Variants in HELZ observed in about 807,000 individuals in gnomAD.
HELZ encodes the protein helicase with zinc finger.
A neutral mutation model predicts 218.2 loss-of-function variants in HELZ; 23 were observed. The observed-to-expected ratio is 0.11, with a 90% confidence interval of 0.08 to 0.15. The LOEUF (loss-of-function observed/expected upper bound fraction) is 0.15, where lower values mean the gene tolerates loss of function less well. Among genes scored for constraint, HELZ ranks in the 10% least tolerant of loss-of-function variants. The probability of loss-of-function intolerance (pLI) is 1.00; values close to 1 mark genes in which losing one functional copy is unlikely to be tolerated. For missense variants in HELZ, 1,813 were observed against 2,353.7 expected (o/e 0.77, Z 4.75); for synonymous variants, 814 against 829.4 (o/e 0.98, Z 0.32).
chr17:67,190,114 T>G (rs763839626), intron 10 of HELZ, 43 bp downstream of exon 10: 1 of 1,524,458 alleles, frequency 6.6e-7, no homozygotes, highest in African/African-American at 1.4e-5. Context: ...CTCAAGTTCA[T>G]TGTTTAAGAC....
intron 21 of HELZ, among the ~76,000 whole-genome samples, chr17:67,142,200 C>T (rs2038348935): frequency 6.6e-6 from 1 of 151,940 alleles, no homozygotes; most frequent in Non-Finnish European, 1.5e-5. Flanking sequence ...ATATCAGTAA[C>T]ATTAAATGTG....
intron 5 of HELZ, among the ~76,000 whole-genome samples, chr17:67,213,831 T>C (rs1463225185): frequency 2.0e-5 from 3 of 152,152 alleles, no homozygotes; most frequent in South Asian, 2.1e-4. Context: ...ATCCACGCCA[T>C]GGAAAATTAA....
At position 67,078,140 on chromosome 17, in the gene HELZ, T is replaced by C; in HGVS notation, c.*112A>G. The C allele has an allele frequency of 1.4e-6, 1 of 701,596 alleles. No individual in the cohort carries two copies. Among genetic ancestry groups the C allele is most frequent in the Non-Finnish European group, 2.4e-6 (1 of 421,320 alleles). The allele number at this position is 701,596 out of a possible 1,614,324, so 43.5% of individuals were successfully genotyped here. ...AGCAAAGCAATTAAGTGAGAACATA[T>C]TTAATATTAAAACAAAGGGAACTGT... is the stretch of plus-strand genomic sequence containing the variant. On this transcript the variant is annotated 3_prime_UTR_variant, in exon 33 of 33. Transcript: ENST00000358691.
chr17:67,182,015 G>A (rs2039626042), intron 12 of HELZ, among the ~76,000 whole-genome samples: 2 of 152,150 alleles, frequency 1.3e-5, no homozygotes, highest in African/African-American at 4.8e-5. Flanking sequence ...GACTCCTACT[G>A]GGGCTCTTTG....
chr17:67,187,891 T>C (rs1598392854), intron 12 of HELZ, among the ~76,000 whole-genome samples: 1 of 152,206 alleles, frequency 6.6e-6, no homozygotes, highest in Non-Finnish European at 1.5e-5. Flanking sequence ...TCAAGACTTT[T>C]CATTCAGAAA....
intron 15 of HELZ, among the ~76,000 whole-genome samples, chr17:67,163,430 G>A (rs900745748): frequency 1.9e-4 from 28 of 151,342 alleles, no homozygotes; most frequent in African/African-American, 6.8e-4. Context: ...ACAGAGTCTC[G>A]CTCTGTCGCC....
At chr17:67,228,252 T>C (rs2040944117) in intron 3 of HELZ, among the ~76,000 whole-genome samples, 1 of 152,204 alleles carries the variant, frequency 6.6e-6, no homozygotes, top group Non-Finnish European at 1.5e-5. Flanking sequence ...ACAAATATAA[T>C]AAAATGCACG....
In HELZ at chr17:67,117,098, G is replaced by T. The variant is rs186758673; in HGVS notation, c.3839-2695C>A. 5.0e-3 allele frequency among the ~76,000 whole-genome samples: 760 copies of T among 151,970 alleles called. 7 individuals carry two copies. Among genetic ancestry groups the T allele is most frequent in the African/African-American group, 0.017 (722 of 41,458 alleles). ...TCAAACTCCTGACCTCAGGTGATCC[G>T]CTCACCTCAGCCTCCCAAAGGGCTG... On this transcript the variant is annotated intron_variant, in intron 27 of 32. Coordinates refer to ENST00000358691, the MANE Select transcript of HELZ (RefSeq NM_014877.4).
intron 5 of HELZ, among the ~76,000 whole-genome samples, chr17:67,213,441 G>C (rs1275101819): frequency 6.6e-6 from 1 of 152,090 alleles, no homozygotes; most frequent in Non-Finnish European, 1.5e-5. Flanking sequence ...GGCCAACATG[G>C]TGAAACCCTG....
chr17:67,133,374 G>C (rs551947159), intron 23 of HELZ, among the ~76,000 whole-genome samples: 4 of 152,150 alleles, frequency 2.6e-5, no homozygotes, highest in African/African-American at 9.6e-5. Flanking sequence ...TCAAGACAAT[G>C]GATGAAAAAT....
At chr17:67,229,234 C>A (rs1296763394) in intron 3 of HELZ, among the ~76,000 whole-genome samples, 1 of 152,222 alleles carries the variant, frequency 6.6e-6, no homozygotes, top group African/African-American at 2.4e-5. Context: ...CACCACCAAT[C>A]TGGCTACAAC....
upstream of HELZ, chr17:67,245,789 A>C (rs2041466941): frequency 6.6e-6 from 1 of 152,040 alleles, no homozygotes; most frequent in African/African-American, 2.4e-5. Context: ...TTAAAAAAAA[A>C]AATTGAGCCA....
rs776348135 is a variant in HELZ at position 67,152,685 on chromosome 17, A to C, written c.2178-1461T>G. ...ATACATAAGTTTGGAGTTCAGGAGA[A>C]TGCCTGGGGCAAGATAGCTACAATT... On this transcript the variant is annotated intron_variant, in intron 17 of 32. Transcript: ENST00000358691. Among the ~76,000 whole-genome samples the C allele has an allele frequency of 1.1e-4, 17 of 150,432 alleles. 1 individual carries two copies. Among genetic ancestry groups the C allele is most frequent in the Non-Finnish European group, 7.4e-5 (5 of 67,690 alleles).
intron 7 of HELZ, 139 bp downstream of exon 7, chr17:67,200,990 G>A (rs1334536610): frequency 1.4e-6 from 1 of 723,056 alleles, no homozygotes; most frequent in Non-Finnish European, 2.6e-6. Context: ...TACGAGGGAA[G>A]GCTGGCAGTC....
At chr17:67,096,760 T>C (rs886432415) in intron 31 of HELZ, among the ~76,000 whole-genome samples, 1 of 152,252 alleles carries the variant, frequency 6.6e-6, no homozygotes, top group Non-Finnish European at 1.5e-5. Flanking sequence ...TTTGATCTTC[T>C]AACCAGATCA....
intron 15 of HELZ, among the ~76,000 whole-genome samples, chr17:67,165,793 C>T (rs185395721): frequency 8.5e-4 from 130 of 152,258 alleles, no homozygotes; most frequent in African/African-American, 2.9e-3. Flanking sequence ...TTTCTTCTAT[C>T]GTACTTCATC....
Position 67,109,553 on chromosome 17 carries a change from G to T in HELZ, c.4052C>A (p.Ala1351Glu). The T allele has an allele frequency of 6.2e-7, 1 of 1,614,192 alleles. No homozygotes were observed. Among genetic ancestry groups the T allele is most frequent in the South Asian group, 1.1e-5 (1 of 91,082 alleles). ...GTGGCGATTAGGGATTGCATACTGTGCGTGGGGAGCAGGAAGGGGAAGATT... is the reference window on the plus strand; with the variant it reads ...GTGGCGATTAGGGATTGCATACTGTTCGTGGGGAGCAGGAAGGGGAAGATT... ...HINLPLPAPH[A>E]QYAIPNRHFH... Residue 1351 changes from alanine to glutamate, a missense_variant, in exon 29 of 33, where the codon GCA becomes GAA. Physicochemically the swap from Ala to Glu is moderately radical, Grantham distance 107. Coordinates refer to ENST00000358691, the MANE Select transcript of HELZ (RefSeq NM_014877.4).
chr17:67,089,668 T>TAGAGAG (rs1555595394), intron 31 of HELZ, among the ~76,000 whole-genome samples: 31 of 70,644 alleles, frequency 4.4e-4, no homozygotes, highest in African/African-American at 1.2e-3. Flanking sequence ...TATATATATA[T>TAGAGAG]AGAGAGAGAG....
chr17:67,132,218 C>CTGTGTGTGTGTGTGTGTGTGTG (rs57691319), intron 23 of HELZ, among the ~76,000 whole-genome samples: 63 of 147,972 alleles, frequency 4.3e-4, no homozygotes, highest in Middle Eastern at 3.6e-3. Flanking sequence ...CCTTAGGTCA[C>CTGTGTGTGTGTGTGTGTGTGTG]TGTGTGTGTG....
Sources: allele counts gnomAD v4.1 joint callset (sites outside exome capture counted in the v4.1 genomes callset), GRCh38; gene constraint gnomAD v4.1.1; transcripts MANE v1.5; gene names NCBI Gene and HGNC (gene_info 2026-07-23, HGNC 2026-07-21).